The following ACBD3 variants were observed in gnomAD, a reference collection of about 807,000 sequenced individuals.
The protein encoded by ACBD3 is Golgi resident protein GCP60.
A neutral mutation model predicts 66.9 loss-of-function variants in ACBD3; 30 were observed. That is an observed-to-expected ratio of 0.45 (90% CI 0.34 to 0.61). The LOEUF is 0.61. ACBD3 is among the 20% of genes least tolerant of loss of function. The pLI is 0.02. For synonymous variants in ACBD3, 278 were observed against 259.8 expected (o/e 1.07, Z -0.68); for missense variants, 544 against 664.5 (o/e 0.82, Z 1.99).
At chr1:226,182,051 A>G (rs3008184) in intron 1 of ACBD3, among the ~76,000 whole-genome samples, 152,050 of 152,148 alleles carry the variant, frequency 1, 75,976 homozygotes, top group Middle Eastern at 1. Context: ...GCAACAAAGC[A>G]AGACCTCTGT....
Position 226,161,191 on chromosome 1 carries a change from T to A in ACBD3, c.728+340A>T, listed in dbSNP as rs547848923. Among the ~76,000 whole-genome samples, 3 of 139,652 alleles carry A rather than the reference T, an allele frequency of 2.1e-5. No homozygotes were observed. The South Asian group carries it at 6.5e-4, about 30-fold the overall frequency. The allele number at this position is 139,652 out of a possible 152,430, so 91.6% of individuals were successfully genotyped here. ...GTTTCACTCATTACCCAGGCTGGAG[T>A]GCAATGGCGCGATCTCGGCTCACTG... On this transcript the variant is annotated intron_variant, in intron 4 of 7. Transcript: ENST00000366812.
intron 5 of ACBD3, among the ~76,000 whole-genome samples, chr1:226,155,246 C>T (rs557258968): frequency 9.2e-5 from 14 of 151,902 alleles, no homozygotes; most frequent in Non-Finnish European, 4.4e-5. Context: ...GGTGAAACCC[C>T]GTCTCTACTA....
intron 7 of ACBD3, among the ~76,000 whole-genome samples, chr1:226,147,804 GA>G (rs1659487508): frequency 1.3e-5 from 2 of 152,174 alleles, no homozygotes; most frequent in South Asian, 4.1e-4. Context: ...AATGCCTCTA[GA>G]AACCTACAGG....
chr1:226,156,486 T>C (rs191612793), intron 5 of ACBD3, among the ~76,000 whole-genome samples: 16 of 152,198 alleles, frequency 1.1e-4, no homozygotes, highest in African/African-American at 3.4e-4. Context: ...CAAGTACGTA[T>C]ATGTTCACTG....
intron 5 of ACBD3, among the ~76,000 whole-genome samples, chr1:226,155,853 T>C (rs1047100212): frequency 3.9e-5 from 6 of 152,258 alleles, no homozygotes; most frequent in Admixed American, 3.3e-4. Context: ...ACTGTTTATA[T>C]AGTTATGATT....
intron 1 of ACBD3, among the ~76,000 whole-genome samples, chr1:226,180,912 T>C (rs1026905377): frequency 6.6e-6 from 1 of 151,660 alleles, no homozygotes; most frequent in Non-Finnish European, 1.5e-5. Flanking sequence ...GGCAGGAGAA[T>C]TGCTTGAACC....
intron 1 of ACBD3, among the ~76,000 whole-genome samples, chr1:226,176,429 C>CAAAAAA (rs34313392): frequency 7.2e-5 from 6 of 83,340 alleles, no homozygotes; most frequent in African/African-American, 1.0e-4. Context: ...GACTCCGTCT[C>CAAAAAA]AAAAAAAAAA....
chr1:226,159,447 C>G, intron 4 of ACBD3, 89 bp from the exon 5 acceptor site: 1 of 1,261,998 alleles, frequency 7.9e-7, no homozygotes, highest in African/African-American at 1.5e-5. Flanking sequence ...CTTTTACAGT[C>G]TGTAACTCTT....
chr1:226,164,652 G>C (rs1277434783), intron 3 of ACBD3, 137 bp downstream of exon 3: 2 of 1,054,820 alleles, frequency 1.9e-6, no homozygotes, highest in Non-Finnish European at 2.6e-6. Flanking sequence ...CAGGAAGTTT[G>C]AACAATTGCC....
rs1221584721 is a variant in ACBD3 at position 226,154,753 on chromosome 1, T to C, written c.984A>G (p.Pro328=). ...GTCCATTAACTGACATCATATTACT[T>C]GGTACAGTTGCATTCACTTTTGATG... ...PTSSKVNATV[P]SNMMSVNGQA... is the part of the protein sequence containing the mutation. The change falls in exon 6 of 8, where the codon CCA becomes CCG. Residue 328 remains proline (P), a synonymous_variant. Transcript: ENST00000366812. The C allele has an allele frequency of 5.0e-6, 8 of 1,613,850 alleles. No individual in the cohort carries two copies. The highest frequency in any genetic ancestry group is 5.9e-6 in the Non-Finnish European group (7 of 1,179,914).
In ACBD3 at chr1:226,146,825, T is replaced by C. The variant is rs974884292; in HGVS notation, c.1376-4A>G. ...TTCTCTTCACAACCGATGTTTTCTGTAAGAACAGAGACAAGTCAATGAACA... is the reference window on the plus strand; with the variant it reads ...TTCTCTTCACAACCGATGTTTTCTGCAAGAACAGAGACAAGTCAATGAACA... On this transcript the variant is annotated splice_polypyrimidine_tract_variant and splice_region_variant and intron_variant, in intron 7 of 7. Coordinates refer to ENST00000366812, the MANE Select transcript of ACBD3 (RefSeq NM_022735.4). The C allele has an allele frequency of 6.8e-6, 11 of 1,613,524 alleles. No homozygotes were observed. The highest frequency in any genetic ancestry group is 1.3e-5 in the African/African-American group (1 of 74,890).
chr1:226,165,333 G>C (rs1659856898), intron 2 of ACBD3, among the ~76,000 whole-genome samples: 1 of 152,018 alleles, frequency 6.6e-6, no homozygotes, highest in Non-Finnish European at 1.5e-5. Context: ...ACTACCGCCG[G>C]CTAATTTTTT....
At chr1:226,176,123 A>C (rs1222641867) in intron 1 of ACBD3, among the ~76,000 whole-genome samples, 2 of 152,166 alleles carry the variant, frequency 1.3e-5, no homozygotes, top group Admixed American at 6.6e-5. Flanking sequence ...AAGATGGAGG[A>C]AGGGGCATAA....
At chr1:226,170,705 G>A (rs977978996) in intron 1 of ACBD3, among the ~76,000 whole-genome samples, 1 of 152,048 alleles carries the variant, frequency 6.6e-6, no homozygotes, top group Non-Finnish European at 1.5e-5. Flanking sequence ...CCTGACTATT[G>A]CTATAAAGTT....
rs776590252 is a variant in ACBD3, at chr1:226,154,782, T to C, written c.955A>G (p.Thr319Ala). The C allele has an allele frequency of 2.5e-6, 4 of 1,612,828 alleles. No homozygotes were observed. Among genetic ancestry groups the C allele is most frequent in the East Asian group, 4.5e-5 (2 of 44,822 alleles). The part of the protein sequence containing the change: ...EVVVAGSSLP[T>A]SSKVNATVPS... ...ACAGTTGCATTCACTTTTGATGATG[T>C]AGGCAAGGAAGACCCAGCCACTACT... is the stretch of plus-strand genomic sequence containing the variant. The change falls in exon 6 of 8, where the codon ACA (threonine) becomes GCA (alanine). Residue 319 changes from threonine to alanine, a missense_variant. Around this residue, in one of 3 missense-constraint regions of ACBD3, gnomAD observed 383 missense variants for 462.4 expected, o/e 0.83. Transcript: ENST00000366812.
rs549926530 is a variant in ACBD3, at chr1:226,149,947, A to T, written c.1375+2388T>A. 9.2e-5 allele frequency among the ~76,000 whole-genome samples: 14 copies of T among 152,234 alleles called. No homozygotes were observed. In the East Asian group the frequency reaches 2.5e-3, roughly 27 times the overall value. ...TTAATGAGTCCCTGTGATGCAACAGAAAGGACAGAACAGGTTCTGATGTTG... is the reference window on the plus strand; with the variant it reads ...TTAATGAGTCCCTGTGATGCAACAGTAAGGACAGAACAGGTTCTGATGTTG... On this transcript the variant is annotated intron_variant, in intron 7 of 7. Coordinates refer to ENST00000366812, the MANE Select transcript of ACBD3 (RefSeq NM_022735.4).
In ACBD3 at chr1:226,178,574, C is replaced by CAAAAAAAAAAAAAAAAAAAAAAAA. The variant is rs57231361; in HGVS notation, c.286+7815_286+7816insTTTTTTTTTTTTTTTTTTTTTTTT. 2.4e-5 allele frequency among the ~76,000 whole-genome samples: 2 copies of CAAAAAAAAAAAAAAAAAAAAAAAA among 83,636 alleles called. 1 individual carries two copies. The highest frequency in any genetic ancestry group is 4.5e-5 in the Non-Finnish European group (2 of 44,726). 54.9% of individuals were successfully genotyped at this position (83,636 alleles called of 152,430 possible). On this transcript the variant is annotated intron_variant, in intron 1 of 7. Coordinates refer to ENST00000366812, the MANE Select transcript of ACBD3 (RefSeq NM_022735.4). ...TGGGCGACAGAGCAAGACTCCGTCT[C>CAAAAAAAAAAAAAAAAAAAAAAAA]AAAAAAAAAAAAAAAAAAAGACTAT...
intron 1 of ACBD3, among the ~76,000 whole-genome samples, chr1:226,183,833 G>A (rs1228490518): frequency 1.4e-5 from 2 of 140,818 alleles, no homozygotes; most frequent in Non-Finnish European, 3.0e-5. Context: ...GCAGTGAGCT[G>A]AGATCGCGCC....
chr1:226,166,020 A>G lies in ACBD3; in HGVS notation c.287-20T>C. On this transcript the variant is annotated intron_variant, in intron 1 of 7. Coordinates refer to ENST00000366812, the MANE Select transcript of ACBD3 (RefSeq NM_022735.4). ...CTTTTTCTATAAGAAAAAGAAACACAAAGAAAACAATTAGCACAGGCAAAA... is the reference window on the plus strand; with the variant it reads ...CTTTTTCTATAAGAAAAAGAAACACGAAGAAAACAATTAGCACAGGCAAAA... 1 of 1,597,766 alleles carries G rather than the reference A, an allele frequency of 6.3e-7. No homozygotes were observed. Among genetic ancestry groups the G allele is most frequent in the Non-Finnish European group, 8.5e-7 (1 of 1,175,416 alleles).
Sources: allele counts gnomAD v4.1 joint callset (sites outside exome capture counted in the v4.1 genomes callset), GRCh38; gene constraint gnomAD v4.1.1; regional missense constraint gnomAD v4.1.1; transcripts MANE v1.5; gene names NCBI Gene and HGNC (gene_info 2026-07-23, HGNC 2026-07-21).